Variants in MCTP1 observed in about 807,000 individuals in gnomAD.
MCTP1 encodes multiple C2 and transmembrane domain-containing protein 1.
In MCTP1, 69 loss-of-function variants were observed where a neutral mutation model predicts 120.6. The observed-to-expected ratio is 0.57, with a 90% CI of 0.47 to 0.70. MCTP1 has a LOEUF of 0.70. MCTP1 is among the 30% of genes least tolerant of loss of function. The pLI, the probability that MCTP1 is intolerant of heterozygous loss-of-function variation, is 0.00. For synonymous variants in MCTP1, 529 were observed against 493.1 expected (o/e 1.07, Z -0.96); for missense variants, 1,203 against 1,248.8 (o/e 0.96, Z 0.55).
intron 1 of MCTP1, among the ~76,000 whole-genome samples, chr5:95,272,468 C>A (rs1229321172): frequency 6.6e-6 from 1 of 152,152 alleles, no homozygotes; most frequent in South Asian, 2.1e-4. Context: ...TCCAAGTCAT[C>A]CAAGTTATAC....
chr5:94,858,539 T>G (rs1295077112), intron 17 of MCTP1, among the ~76,000 whole-genome samples: 1 of 151,722 alleles, frequency 6.6e-6, no homozygotes, highest in Admixed American at 6.6e-5. Context: ...CTCTTGGAAT[T>G]CTACAGGACA....
intron 1 of MCTP1, among the ~76,000 whole-genome samples, chr5:95,127,456 A>G (rs1215659635): frequency 6.6e-6 from 1 of 152,068 alleles, no homozygotes; most frequent in Non-Finnish European, 1.5e-5. Context: ...GACCATGAGG[A>G]AATCTGGGGA....
chr5:95,194,023 C>A (rs1032821826), intron 1 of MCTP1, among the ~76,000 whole-genome samples: 1 of 151,864 alleles, frequency 6.6e-6, no homozygotes, highest in Non-Finnish European at 1.5e-5. Flanking sequence ...CCAGCCTGGG[C>A]AACAAAGCAA....
chr5:95,224,543 T>C (rs937608915), intron 1 of MCTP1, among the ~76,000 whole-genome samples: 9 of 149,418 alleles, frequency 6.0e-5, no homozygotes, highest in African/African-American at 2.2e-4. Flanking sequence ...GGTTTCACTG[T>C]GTCCCCCAGG....
intron 1 of MCTP1, among the ~76,000 whole-genome samples, chr5:95,215,584 T>G (rs1353518483): frequency 6.6e-6 from 1 of 152,244 alleles, no homozygotes; most frequent in East Asian, 1.9e-4. Flanking sequence ...TTTTCTTTGT[T>G]AGCCTTGTTG....
In MCTP1 at chr5:94,997,544, G is replaced by A. The variant is rs578213164; in HGVS notation, c.838+19823C>T. On this transcript the variant is annotated intron_variant, in intron 2 of 22. Coordinates refer to ENST00000515393, the MANE Select transcript of MCTP1 (RefSeq NM_024717.7). Reference sequence around the variant, plus strand: ...CACGTGCATGTAGTAAATGTGTTATGCTTTCCCCTTGTCCACCTGTTTTTA... The same window carrying A: ...CACGTGCATGTAGTAAATGTGTTATACTTTCCCCTTGTCCACCTGTTTTTA... Among the ~76,000 whole-genome samples, 5 of 152,256 alleles carry A rather than the reference G, an allele frequency of 3.3e-5. No individual in the cohort carries two copies. In the South Asian group the frequency reaches 1.0e-3, roughly 32 times the overall value.
At chr5:94,902,547 T>C (rs1035493244) in intron 10 of MCTP1, among the ~76,000 whole-genome samples, 3 of 152,118 alleles carry the variant, frequency 2.0e-5, no homozygotes, top group African/African-American at 7.2e-5. Flanking sequence ...TTTTAGCAAA[T>C]TGAATAATAC....
At position 95,284,758 on chromosome 5, in the gene MCTP1, C is replaced by G. The variant is rs1008094563; in HGVS notation, c.-183G>C. 7.6e-4 allele frequency among the ~76,000 whole-genome samples: 115 copies of G among 151,828 alleles called. No individual in the cohort carries two copies. Among genetic ancestry groups the G allele is most frequent in the Non-Finnish European group, 1.1e-3 (78 of 67,834 alleles). ...TTCAGGCCAGCTCGGGGGAAAGAAGCGGCCGCCGCCGCCGAGGCTCTCTGG... is the reference window on the plus strand; with the variant it reads ...TTCAGGCCAGCTCGGGGGAAAGAAGGGGCCGCCGCCGCCGAGGCTCTCTGG... On this transcript the variant is annotated 5_prime_UTR_variant, in exon 1 of 23. Transcript: ENST00000515393. This position sits in a 1 kb window ranked among gnomAD's most constrained non-coding sequence, Gnocchi z 5.2.
chr5:94,961,127 A>G (rs1469065623), intron 2 of MCTP1, among the ~76,000 whole-genome samples: 1 of 152,176 alleles, frequency 6.6e-6, no homozygotes, highest in Non-Finnish European at 1.5e-5. Flanking sequence ...TTGTAGGGAC[A>G]TGGAAGAAGC....
At chr5:94,720,533 A>C (rs906460760) in intron 19 of MCTP1, among the ~76,000 whole-genome samples, 1 of 152,204 alleles carries the variant, frequency 6.6e-6, no homozygotes, top group Non-Finnish European at 1.5e-5. Flanking sequence ...ATATAATGAC[A>C]TCAAAAACGC....
At position 94,704,310 on chromosome 5, in the gene MCTP1, T is replaced by C. The variant is rs919127237; in HGVS notation, c.*3186A>G. The C allele has an allele frequency of 2.6e-5, 4 of 151,606 alleles. No homozygotes were observed. The highest frequency in any genetic ancestry group is 5.9e-5 in the Non-Finnish European group (4 of 67,656). The allele number at this position is 151,606 out of a possible 1,614,324, so 9.4% of individuals were successfully genotyped here. A position where few individuals can be genotyped will look rare whatever the true frequency, so the allele number is the denominator to read the frequency against. On this transcript the variant is annotated 3_prime_UTR_variant, in exon 23 of 23. Coordinates refer to ENST00000515393, the MANE Select transcript of MCTP1 (RefSeq NM_024717.7). ...GTTTTTCAAGAAGTATAATGGTAGCTGTCTTTACTTGTATTTCTGGAGCAA... is the reference window on the plus strand; with the variant it reads ...GTTTTTCAAGAAGTATAATGGTAGCCGTCTTTACTTGTATTTCTGGAGCAA...
At chr5:95,167,990 T>C (rs1335201570) in intron 1 of MCTP1, among the ~76,000 whole-genome samples, 3 of 152,218 alleles carry the variant, frequency 2.0e-5, no homozygotes, top group Admixed American at 6.5e-5. Context: ...TCCTGAATGG[T>C]ATTGCCTAGG....
In MCTP1 at chr5:95,283,946, C is replaced by T. The variant is rs1421402972; in HGVS notation, c.630G>A (p.Leu210=). ...SLPGTACLEQ[L]LEPPPPPAEP... ...CTGCGGGAGGAGGCGGCGGCTCCAG[C>T]AGCTGCTCCAGGCAGGCGGTGCCCG... The change falls in exon 1 of 23, where the codon CTG becomes CTA. Residue 210 remains leucine, a synonymous_variant. Transcript: ENST00000515393. The T allele has an allele frequency of 7.1e-7, 1 of 1,408,138 alleles. No homozygotes were observed. The highest frequency in any genetic ancestry group is 9.2e-7 in the Non-Finnish European group (1 of 1,087,312). The allele number at this position is 1,408,138 out of a possible 1,614,324, so 87.2% of individuals were successfully genotyped here.
At chr5:94,894,374 G>A (rs1803396955) in intron 11 of MCTP1, among the ~76,000 whole-genome samples, 1 of 152,174 alleles carries the variant, frequency 6.6e-6, no homozygotes. Flanking sequence ...TCCTATATGG[G>A]TAGCATCCCT....
chr5:94,829,469 T>G (rs1788040666), intron 17 of MCTP1, among the ~76,000 whole-genome samples: 1 of 152,218 alleles, frequency 6.6e-6, no homozygotes, highest in Non-Finnish European at 1.5e-5. Flanking sequence ...CCGCAATTAC[T>G]TTTGCACCAA....
At chr5:95,104,173 C>A (rs191849645) in intron 1 of MCTP1, among the ~76,000 whole-genome samples, 93 of 149,658 alleles carry the variant, frequency 6.2e-4, no homozygotes, top group African/African-American at 2.1e-3. Context: ...TTAGACTTAC[C>A]CCCCCTCCCA....
At chr5:94,737,715 G>A (rs1449794817) in intron 19 of MCTP1, among the ~76,000 whole-genome samples, 2 of 152,016 alleles carry the variant, frequency 1.3e-5, no homozygotes, top group Non-Finnish European at 2.9e-5. Context: ...TCACTCTGTA[G>A]CTCAAGCTGG....
intron 18 of MCTP1, among the ~76,000 whole-genome samples, chr5:94,784,152 T>C (rs930726516): frequency 6.6e-6 from 1 of 152,092 alleles, no homozygotes; most frequent in Non-Finnish European, 1.5e-5. Flanking sequence ...CATCCAAACT[T>C]GTACAGATGC....
At chr5:95,283,503 A>C (rs926562157) in intron 1 of MCTP1, among the ~76,000 whole-genome samples, 1 of 152,162 alleles carries the variant, frequency 6.6e-6, no homozygotes, top group African/African-American at 2.4e-5. Context: ...AATTGTTTTT[A>C]AGTTATTGGG....
Sources: allele counts gnomAD v4.1 joint callset (sites outside exome capture counted in the v4.1 genomes callset), GRCh38; gene constraint gnomAD v4.1.1; non-coding constraint Gnocchi (gnomAD v3.1); transcripts MANE v1.5; gene names NCBI Gene and HGNC (gene_info 2026-07-23, HGNC 2026-07-21).